Variants in CALN1 observed in about 807,000 individuals in gnomAD.
The protein encoded by CALN1 is calneuron 1.
CALN1 carries 17 observed loss-of-function variants against 30.6 expected under a neutral mutation model. The ratio of observed to expected loss-of-function variants is 0.56; its 90% CI spans 0.38 to 0.83. The LOEUF is 0.83. CALN1 is among the 40% of genes least tolerant of loss of function. The pLI, the probability that CALN1 is intolerant of heterozygous loss-of-function variation, is 0.00. For synonymous variants in CALN1, 156 were observed against 131.4 expected (o/e 1.19, Z -1.28); for missense variants, 291 against 354.9 (o/e 0.82, Z 1.45).
chr7:72,172,480 A>C (rs1789039351), intron 3 of CALN1, among the ~76,000 whole-genome samples: 1 of 152,216 alleles, frequency 6.6e-6, no homozygotes, highest in African/African-American at 2.4e-5. Context: ...AATGATAAGA[A>C]AAGAAAACTC....
intron 3 of CALN1, among the ~76,000 whole-genome samples, chr7:72,208,002 G>T (rs947498824): frequency 3.9e-5 from 6 of 152,094 alleles, no homozygotes; most frequent in Admixed American, 1.3e-4. Context: ...TCTTATCAAT[G>T]TATTGTTAAA....
At position 72,315,433 on chromosome 7, in the gene CALN1, C is replaced by CA. The variant is rs200467765; in HGVS notation, c.120-36624dup. 4.7e-3 allele frequency among the ~76,000 whole-genome samples: 711 copies of CA among 152,210 alleles called. 13 individuals carry two copies. Among genetic ancestry groups the CA allele is most frequent in the Admixed American group, 0.035 (541 of 15,282 alleles). On this transcript the variant is annotated intron_variant, in intron 2 of 6. Coordinates refer to ENST00000395275, the MANE Select transcript of CALN1 (RefSeq NM_031468.4). ...AGAAATCCAAGCTAAAACACCAACA[C>CA]AAAACCACTTTAGCTGTCAAATTTT...
At chr7:72,428,963 T>A (rs1807885120) in intron 1 of CALN1, among the ~76,000 whole-genome samples, 2 of 152,158 alleles carry the variant, frequency 1.3e-5, no homozygotes, top group South Asian at 4.1e-4. Context: ...AGGGCAGACC[T>A]CCAAGCAGCC....
At chr7:72,113,985 G>A (rs575430216) in intron 3 of CALN1, among the ~76,000 whole-genome samples, 1 of 152,130 alleles carries the variant, frequency 6.6e-6, no homozygotes, top group South Asian at 2.1e-4. Flanking sequence ...GGTGGCAGAG[G>A]ACACTGTGGA....
At chr7:72,487,578 T>C in the CALN1 span, among the ~76,000 whole-genome samples, 1 of 150,538 alleles carries the variant, frequency 6.6e-6, no homozygotes, top group Non-Finnish European at 1.5e-5. Flanking sequence ...CCTAACTACT[T>C]GGGAGGCTGA....
chr7:72,034,665 G>A (rs1176606377), intron 4 of CALN1, among the ~76,000 whole-genome samples: 1 of 151,822 alleles, frequency 6.6e-6, no homozygotes, highest in African/African-American at 2.4e-5. Flanking sequence ...GTGCTTGCCT[G>A]TAATTCCAGC....
At chr7:71,827,823 G>C (rs926557379) in intron 5 of CALN1, among the ~76,000 whole-genome samples, 18 of 147,922 alleles carry the variant, frequency 1.2e-4, no homozygotes, top group African/African-American at 4.1e-4. Context: ...AGGACTCCAG[G>C]GAAAGTCACA....
At chr7:71,972,053 C>T (rs772484579) in intron 5 of CALN1, among the ~76,000 whole-genome samples, 3 of 150,544 alleles carry the variant, frequency 2.0e-5, no homozygotes, top group South Asian at 2.1e-4. Context: ...TCAGAGTTGA[C>T]GCTATTTGCT....
intron 5 of CALN1, among the ~76,000 whole-genome samples, chr7:71,959,313 G>T (rs1224215017): frequency 6.6e-6 from 1 of 152,294 alleles, no homozygotes; most frequent in Non-Finnish European, 1.5e-5. Flanking sequence ...TGGACAAGTT[G>T]TCCAGAAGTG....
intron 3 of CALN1, among the ~76,000 whole-genome samples, chr7:72,189,138 G>C (rs745834463): frequency 2.0e-5 from 3 of 152,190 alleles, no homozygotes; most frequent in Non-Finnish European, 4.4e-5. Context: ...AAACATACGT[G>C]AGCTTCAGAA....
intron 6 of CALN1, among the ~76,000 whole-genome samples, chr7:71,791,791 C>G (rs1786566414): frequency 6.6e-6 from 1 of 152,158 alleles, no homozygotes; most frequent in South Asian, 2.1e-4. Flanking sequence ...GGGCGGATCA[C>G]AAGGTCAGGA....
chr7:72,430,290 T>G (rs943277337), intron 1 of CALN1, among the ~76,000 whole-genome samples: 4 of 148,204 alleles, frequency 2.7e-5, no homozygotes, highest in Non-Finnish European at 6.0e-5. Flanking sequence ...AATAATTATA[T>G]ATTTGTATCT....
At chr7:72,145,216 A>G (rs990573640) in intron 3 of CALN1, among the ~76,000 whole-genome samples, 9 of 152,188 alleles carry the variant, frequency 5.9e-5, no homozygotes, top group Non-Finnish European at 1.2e-4. Flanking sequence ...AAATTGATAG[A>G]TTGCTAGCAA....
chr7:71,952,381 TATG>T (rs1796736439), intron 5 of CALN1, among the ~76,000 whole-genome samples: 1 of 152,248 alleles, frequency 6.6e-6, no homozygotes, highest in African/African-American at 2.4e-5. Context: ...TTGGTATTAA[TATG>T]ATAATAACTC....
At chr7:72,229,352 G>GCTCATGC in intron 3 of CALN1, among the ~76,000 whole-genome samples, 1 of 152,156 alleles carries the variant, frequency 6.6e-6, no homozygotes, top group East Asian at 1.9e-4. Context: ...GAGCATGGTG[G>GCTCATGC]CTCATGCCTG....
intron 3 of CALN1, among the ~76,000 whole-genome samples, chr7:72,270,851 G>A (rs1485679283): frequency 1.3e-5 from 2 of 152,178 alleles, no homozygotes; most frequent in Non-Finnish European, 2.9e-5. Context: ...TCCCTCCAAT[G>A]GTATCGAACT....
chr7:72,292,713 C>T (rs1346230853), intron 2 of CALN1, among the ~76,000 whole-genome samples: 2 of 148,110 alleles, frequency 1.4e-5, no homozygotes, highest in Admixed American at 6.8e-5. Context: ...CCCAGCTACT[C>T]GGGAGGCTGA....
intron 2 of CALN1, among the ~76,000 whole-genome samples, chr7:72,368,240 G>A (rs184068911): frequency 6.7e-6 from 1 of 149,776 alleles, no homozygotes; most frequent in African/African-American, 2.5e-5. Flanking sequence ...ATATATCTAG[G>A]ATGCTAGTAA....
chr7:72,159,978 T>C (rs796359346), intron 3 of CALN1, among the ~76,000 whole-genome samples: 11 of 152,200 alleles, frequency 7.2e-5, no homozygotes, highest in African/African-American at 2.6e-4. Context: ...AGAGCAGATG[T>C]GGACAACTTG....
Sources: allele counts gnomAD v4.1 joint callset (sites outside exome capture counted in the v4.1 genomes callset), GRCh38; gene constraint gnomAD v4.1.1; transcripts MANE v1.5; gene names NCBI Gene and HGNC (gene_info 2026-07-23, HGNC 2026-07-21).